Variants in ZDHHC3 observed in about 807,000 individuals in gnomAD.
ZDHHC3 encodes the protein zDHHC palmitoyltransferase 3, also known as palmitoyltransferase ZDHHC3.
ZDHHC3 carries 9 observed loss-of-function variants against 30.6 expected under a neutral mutation model. That is an observed-to-expected ratio of 0.29 (90% CI 0.18 to 0.51). ZDHHC3 has a LOEUF of 0.51. Ranked by LOEUF, ZDHHC3 falls within the 20% of genes least tolerant of loss-of-function variation. ZDHHC3 has a pLI of 0.97. For missense variants in ZDHHC3, 246 were observed against 384.2 expected, an observed-to-expected ratio of 0.64 and a Z score of 3.01; for synonymous variants, 136 against 140.2, an observed-to-expected ratio of 0.97 and a Z score of 0.21.
At chr3:44,960,872 G>C (rs1170680243) in intron 1 of ZDHHC3, among the ~76,000 whole-genome samples, 3 of 152,214 alleles carry the variant, frequency 2.0e-5, no homozygotes, top group Non-Finnish European at 4.4e-5. Flanking sequence ...AGCTAGGAGG[G>C]CAGACCAGTA....
chr3:44,922,473 C>T lies in ZDHHC3; in HGVS notation c.*4216G>A. On this transcript the variant is annotated 3_prime_UTR_variant, in exon 7 of 7. Coordinates refer to ENST00000424952, the MANE Select transcript of ZDHHC3 (RefSeq NM_001135179.2). Reference sequence around the variant, plus strand: ...GCTTCATACAGACTTTCTTTGATGTCTTGGCAGTTGTTTGTTGGGGAGGCC... The same window carrying T: ...GCTTCATACAGACTTTCTTTGATGTTTTGGCAGTTGTTTGTTGGGGAGGCC... 1.0e-6 allele frequency: 1 copy of T among 985,394 alleles called. No individual in the cohort carries two copies. Among genetic ancestry groups the T allele is most frequent in the Non-Finnish European group, 1.2e-6 (1 of 829,916 alleles). 61.0% of individuals were successfully genotyped at this position (985,394 alleles called of 1,614,324 possible). A position where few individuals can be genotyped will look rare whatever the true frequency, so the allele number is the denominator to read the frequency against.
intron 2 of ZDHHC3, among the ~76,000 whole-genome samples, chr3:44,947,195 C>T (rs1298232923): frequency 6.6e-6 from 1 of 152,118 alleles, no homozygotes; most frequent in Non-Finnish European, 1.5e-5. Flanking sequence ...TAAGTGGTGG[C>T]ACGTCAAAAC....
intron 1 of ZDHHC3, among the ~76,000 whole-genome samples, chr3:44,974,933 A>T (rs1156738337): frequency 1.3e-5 from 2 of 152,082 alleles, no homozygotes; most frequent in African/African-American, 2.4e-5. Flanking sequence ...TGCCCAGGGA[A>T]CTTCTCTGGG....
intron 2 of ZDHHC3, among the ~76,000 whole-genome samples, chr3:44,952,992 T>C (rs1230717930): frequency 2.0e-5 from 3 of 152,252 alleles, no homozygotes; most frequent in Non-Finnish European, 4.4e-5. Context: ...GCACGAAGAA[T>C]GTATTCAATA....
intron 3 of ZDHHC3, among the ~76,000 whole-genome samples, chr3:44,941,831 A>G (rs536936244): frequency 1.2e-4 from 18 of 152,320 alleles, no homozygotes; most frequent in African/African-American, 4.3e-4. Flanking sequence ...GTTGGGCCAC[A>G]TTCAAAGCCA....
At position 44,916,902 on chromosome 3, in the gene ZDHHC3, A is replaced by G. The variant is rs1017428243; in HGVS notation, c.*9787T>C. The stretch of plus-strand genomic sequence containing the variant: ...CATCAATCAGCAGACCCTGGCCATC[A>G]CCCATCTTTTCAGAGACAAGATGGG... On this transcript the variant is annotated 3_prime_UTR_variant, in exon 7 of 7. Transcript: ENST00000424952. The G allele has an allele frequency of 5.3e-5, 8 of 151,936 alleles. No individual in the cohort carries two copies. The highest frequency in any genetic ancestry group is 1.9e-4 in the African/African-American group (8 of 41,334). 9.4% of individuals were successfully genotyped at this position (151,936 alleles called of 1,614,324 possible).
At chr3:44,930,079 G>T (rs1235762987) in intron 5 of ZDHHC3, among the ~76,000 whole-genome samples, 2 of 152,226 alleles carry the variant, frequency 1.3e-5, no homozygotes, top group Non-Finnish European at 2.9e-5. Context: ...CCAGGGAGTC[G>T]ACCAAAGAGG....
rs1021621454 is a variant in ZDHHC3, at chr3:44,917,327, T to C, written c.*9362A>G. ...TGTGGCAGCCACCTCTACCTCCTAA[T>C]TTCGGCAGGCAGCATGGGGAAGCCC... On this transcript the variant is annotated 3_prime_UTR_variant, in exon 7 of 7. Transcript: ENST00000424952. 1 of 162,388 alleles carries C rather than the reference T, an allele frequency of 6.2e-6. No homozygotes were observed. Among genetic ancestry groups the C allele is most frequent in the African/African-American group, 2.4e-5 (1 of 41,540 alleles). 10.1% of individuals were successfully genotyped at this position (162,388 alleles called of 1,614,324 possible).
At chr3:44,961,173 A>G (rs941546364) in intron 1 of ZDHHC3, among the ~76,000 whole-genome samples, 1 of 152,214 alleles carries the variant, frequency 6.6e-6, no homozygotes, top group African/African-American at 2.4e-5. Flanking sequence ...CGGGTGGATC[A>G]CGAGGTCAGG....
intron 6 of ZDHHC3, among the ~76,000 whole-genome samples, chr3:44,927,862 G>A (rs1339955546): frequency 1.3e-5 from 2 of 152,250 alleles, no homozygotes; most frequent in African/African-American, 2.4e-5. Context: ...CTGAGTCTGG[G>A]TCTTTCTTCA....
At position 44,921,918 on chromosome 3, in the gene ZDHHC3, G is replaced by A. The variant is rs1700621141; in HGVS notation, c.*4771C>T. 1 of 985,282 alleles carries A rather than the reference G, an allele frequency of 1.0e-6. No homozygotes were observed. The highest frequency in any genetic ancestry group is 1.2e-6 in the Non-Finnish European group (1 of 829,934). The allele number at this position is 985,282 out of a possible 1,614,324, so 61.0% of individuals were successfully genotyped here. On this transcript the variant is annotated 3_prime_UTR_variant, in exon 7 of 7. Coordinates refer to ENST00000424952, the MANE Select transcript of ZDHHC3 (RefSeq NM_001135179.2). The stretch of plus-strand genomic sequence containing the variant: ...ATGTGCGGCCCCTAGAAGGCTTTTA[G>A]CGAACGTCCCTCTGCAGCGCTTGTC...
chr3:44,929,262 C>T, intron 6 of ZDHHC3, 44 bp downstream of exon 6: 1 of 1,606,260 alleles, frequency 6.2e-7, no homozygotes, highest in Non-Finnish European at 8.5e-7. Flanking sequence ...CTGGGTCCTC[C>T]CCATCCCCAG....
intron 2 of ZDHHC3, among the ~76,000 whole-genome samples, chr3:44,957,054 G>A (rs1475401322): frequency 6.6e-6 from 1 of 151,918 alleles, no homozygotes; most frequent in East Asian, 1.9e-4. Context: ...CTCTACCCTT[G>A]GATCTTCGTC....
In ZDHHC3 at chr3:44,922,831, C is replaced by A. The variant is rs1700698521; in HGVS notation, c.*3858G>T. ...GATGTTGACGTTGCTGGTCTGGCAA[C>A]CTCAAGAACACCTTTGAGGAGGATT... On this transcript the variant is annotated 3_prime_UTR_variant, in exon 7 of 7. Transcript: ENST00000424952. 6 of 985,306 alleles carry A rather than the reference C, an allele frequency of 6.1e-6. No homozygotes were observed. Among genetic ancestry groups the A allele is most frequent in the Non-Finnish European group, 7.2e-6 (6 of 829,924 alleles). 61.0% of individuals were successfully genotyped at this position (985,306 alleles called of 1,614,324 possible). A position where few individuals can be genotyped will look rare whatever the true frequency, so the allele number is the denominator to read the frequency against.
At chr3:44,937,738 C>A in intron 3 of ZDHHC3, 1 of 259,768 alleles carries the variant, frequency 3.8e-6, no homozygotes, top group South Asian at 4.2e-5. Context: ...GGAGTGAAGT[C>A]AGTGCCATCC....
Position 44,924,931 on chromosome 3 carries a change from G to A in ZDHHC3, c.*1758C>T. On this transcript the variant is annotated 3_prime_UTR_variant, in exon 7 of 7. Transcript: ENST00000424952. ...TTAACTGACTCAGGAAAGCTCTTAG[G>A]AGAGCCCATCAGCACAAAGGAATTG... The A allele has an allele frequency of 3.0e-6, 3 of 985,574 alleles. No homozygotes were observed. Among genetic ancestry groups the A allele is most frequent in the Non-Finnish European group, 3.6e-6 (3 of 829,952 alleles). 61.1% of individuals were successfully genotyped at this position (985,574 alleles called of 1,614,324 possible).
rs1001550134 is a variant in ZDHHC3 at position 44,924,204 on chromosome 3, T to C, written c.*2485A>G. Reference sequence around the variant, plus strand: ...ACTTTGTGTAGAAAGATGTCCTCTTTCATTACATCCGGAAATACTGAGGAG... The same window carrying C: ...ACTTTGTGTAGAAAGATGTCCTCTTCCATTACATCCGGAAATACTGAGGAG... On this transcript the variant is annotated 3_prime_UTR_variant, in exon 7 of 7. Transcript: ENST00000424952. 1.0e-5 allele frequency: 10 copies of C among 985,438 alleles called. No homozygotes were observed. The highest frequency in any genetic ancestry group is 1.1e-4 in the East Asian group (1 of 8,816). 61.0% of individuals were successfully genotyped at this position (985,438 alleles called of 1,614,324 possible). A position where few individuals can be genotyped will look rare whatever the true frequency, so the allele number is the denominator to read the frequency against.
In ZDHHC3 at chr3:44,959,508, C is replaced by A; in HGVS notation, c.-24-48G>T. On this transcript the variant is annotated intron_variant, in intron 1 of 6. Coordinates refer to ENST00000424952, the MANE Select transcript of ZDHHC3 (RefSeq NM_001135179.2). This position sits in a 1 kb window ranked among gnomAD's most constrained non-coding sequence, Gnocchi z 4.3. ...CAGAAACTTGGTGTTGTCTTGTCAT[C>A]AAGGAGGTTTGACAAAATTGCTCCC... 1 of 1,539,574 alleles carries A rather than the reference C, an allele frequency of 6.5e-7. No homozygotes were observed. Among genetic ancestry groups the A allele is most frequent in the Non-Finnish European group, 8.8e-7 (1 of 1,138,482 alleles).
Position 44,927,709 on chromosome 3 carries a change from CTCTT to C in ZDHHC3, c.742-866_742-863del, listed in dbSNP as rs1176477270. 2.6e-5 allele frequency among the ~76,000 whole-genome samples: 4 copies of C among 152,358 alleles called. No individual in the cohort carries two copies. The East Asian group carries it at 7.7e-4, about 29-fold the overall frequency. ...GGAAAGAGCTGCTTCCTCCCTCTCT[CTCTT>C]CTTCAGATGGAGCTGGTCAAAGGGC... On this transcript the variant is annotated intron_variant, in intron 6 of 6. Transcript: ENST00000424952.
Sources: allele counts gnomAD v4.1 joint callset (sites outside exome capture counted in the v4.1 genomes callset), GRCh38; gene constraint gnomAD v4.1.1; non-coding constraint Gnocchi (gnomAD v3.1); transcripts MANE v1.5; gene names NCBI Gene and HGNC (gene_info 2026-07-23, HGNC 2026-07-21).